The following TRIM67 variants were observed in gnomAD, a reference collection of about 807,000 sequenced individuals.
The protein encoded by TRIM67 is tripartite motif containing 67, also known as tripartite motif-containing protein 67.
A neutral mutation model predicts 71.0 loss-of-function variants in TRIM67; 39 were observed. That is an observed-to-expected ratio of 0.55 (90% confidence interval 0.43 to 0.72). The LOEUF (loss-of-function observed/expected upper bound fraction) is 0.72. TRIM67 is among the 30% of genes least tolerant of loss of function. The pLI, the probability that TRIM67 is intolerant of heterozygous loss-of-function variation, is 0.00. For synonymous variants in TRIM67, 481 were observed against 473.9 expected, an observed-to-expected ratio of 1.01 and a Z score of -0.19; for missense variants, 973 against 1,079.2, an observed-to-expected ratio of 0.90 and a Z score of 1.38.
chr1:231,215,691 G>A lies in TRIM67; in HGVS notation c.*251G>A, dbSNP rs780010423. On this transcript the variant is annotated 3_prime_UTR_variant, in exon 10 of 10. Coordinates refer to ENST00000366653, the MANE Select transcript of TRIM67 (RefSeq NM_001004342.5). Reference sequence around the variant, plus strand: ...CACCCTTATTCCACCCAGACATTACGAACACTCCCCAAGAAGGACCTTTCT... The same window carrying A: ...CACCCTTATTCCACCCAGACATTACAAACACTCCCCAAGAAGGACCTTTCT... The A allele has an allele frequency of 3.1e-5, 39 of 1,249,472 alleles. No individual in the cohort carries two copies. The highest frequency in any genetic ancestry group is 1.1e-4 in the African/African-American group (7 of 65,044). The allele number at this position is 1,249,472 out of a possible 1,614,324, so 77.4% of individuals were successfully genotyped here.
At chr1:231,182,040 T>C (rs982375999) in intron 1 of TRIM67, among the ~76,000 whole-genome samples, 17 of 152,222 alleles carry the variant, frequency 1.1e-4, no homozygotes, top group Non-Finnish European at 7.3e-5. Flanking sequence ...CTTGCTCTAG[T>C]AGGTTACCCC....
chr1:231,167,726 G>A (rs1682512907), intron 1 of TRIM67, among the ~76,000 whole-genome samples: 1 of 151,938 alleles, frequency 6.6e-6, no homozygotes, highest in Non-Finnish European at 1.5e-5. Flanking sequence ...AAGTGCTAGA[G>A]TTACAGGTGT....
chr1:231,201,986 A>G (rs937325394), intron 5 of TRIM67, among the ~76,000 whole-genome samples: 1 of 2,270 alleles, frequency 4.4e-4, no homozygotes, highest in African/African-American at 1.5e-3. Flanking sequence ...AGTAGATGCC[A>G]TGCGGTGAGA....
chr1:231,180,031 T>C (rs970214700), intron 1 of TRIM67, among the ~76,000 whole-genome samples: 1 of 152,194 alleles, frequency 6.6e-6, no homozygotes, highest in East Asian at 1.9e-4. Context: ...GTATTGAAAA[T>C]GTGACCCATC....
At position 231,218,809 on chromosome 1, in the gene TRIM67, C is replaced by A; in HGVS notation, c.*3369C>A. The A allele has an allele frequency of 2.0e-6, 2 of 985,420 alleles. No homozygotes were observed. Among genetic ancestry groups the A allele is most frequent in the Middle Eastern group, 5.2e-4 (1 of 1,914 alleles). The allele number at this position is 985,420 out of a possible 1,614,324, so 61.0% of individuals were successfully genotyped here. On this transcript the variant is annotated 3_prime_UTR_variant, in exon 10 of 10. Coordinates refer to ENST00000366653, the MANE Select transcript of TRIM67 (RefSeq NM_001004342.5). ...GCTTTCCGGATTGAGCCTGGGCAGG[C>A]TCTGTGGAGCTCACCAAGAGAGCTG...
At chr1:231,179,677 G>A (rs980183833) in intron 1 of TRIM67, among the ~76,000 whole-genome samples, 11 of 152,268 alleles carry the variant, frequency 7.2e-5, no homozygotes, top group African/African-American at 1.9e-4. Flanking sequence ...GTGCAACAAC[G>A]AAACAAGAAG....
At chr1:231,191,816 A>T (rs1683238003) in intron 1 of TRIM67, among the ~76,000 whole-genome samples, 1 of 152,208 alleles carries the variant, frequency 6.6e-6, no homozygotes, top group African/African-American at 2.4e-5. Flanking sequence ...TTGAGACTTG[A>T]ATATCTCAGG....
At chr1:231,212,580 G>C (rs1348077509) in intron 8 of TRIM67, among the ~76,000 whole-genome samples, 1 of 152,200 alleles carries the variant, frequency 6.6e-6, no homozygotes, top group Non-Finnish European at 1.5e-5. Flanking sequence ...TAACAAGTTA[G>C]AGTAAAAAGG....
chr1:231,192,300 A>G (rs11122248), intron 1 of TRIM67, among the ~76,000 whole-genome samples: 8,127 of 152,194 alleles, frequency 0.053, 394 homozygotes, highest in African/African-American at 0.13. Flanking sequence ...CTAGAGGCAC[A>G]TGCCACCACA....
In TRIM67 at chr1:231,162,898, C is replaced by T. The variant is rs546669843; in HGVS notation, c.-72C>T. ...TCTCACCGGGGCGCACCGCGCTGGT[C>T]CTCCTCCGCCAGTCTCCCGAGCTCC... is the stretch of plus-strand genomic sequence containing the variant. On this transcript the variant is annotated 5_prime_UTR_variant, in exon 1 of 10. Transcript: ENST00000366653. 135 of 1,547,814 alleles carry T rather than the reference C, an allele frequency of 8.7e-5. No individual in the cohort carries two copies. The African/African-American group carries it at 1.5e-3, about 18-fold the overall frequency.
chr1:231,179,310 G>A (rs996763828), intron 1 of TRIM67, among the ~76,000 whole-genome samples: 4 of 152,158 alleles, frequency 2.6e-5, no homozygotes, highest in African/African-American at 9.7e-5. Flanking sequence ...TCTCTTCTTT[G>A]TAAGGACACC....
intron 9 of TRIM67, 94 bp from the exon 10 acceptor site, chr1:231,215,281 C>A: frequency 6.7e-7 from 1 of 1,503,354 alleles, no homozygotes; most frequent in Non-Finnish European, 8.9e-7. Flanking sequence ...CTGGAGCCAG[C>A]AGGGGATCCT....
chr1:231,216,228 T>C lies in TRIM67; in HGVS notation c.*788T>C. Reference sequence around the variant, plus strand: ...TCTTCCTTTCCTCCTTCTCTCTTACTTTCCTCCATCCCTGCCTCTTTCTTC... The same window carrying C: ...TCTTCCTTTCCTCCTTCTCTCTTACCTTCCTCCATCCCTGCCTCTTTCTTC... On this transcript the variant is annotated 3_prime_UTR_variant, in exon 10 of 10. Coordinates refer to ENST00000366653, the MANE Select transcript of TRIM67 (RefSeq NM_001004342.5). The C allele has an allele frequency of 1.0e-6, 1 of 964,496 alleles. No homozygotes were observed. The highest frequency in any genetic ancestry group is 1.2e-6 in the Non-Finnish European group (1 of 811,298). The allele number at this position is 964,496 out of a possible 1,614,324, so 59.7% of individuals were successfully genotyped here. A position where few individuals can be genotyped will look rare whatever the true frequency, so the allele number is the denominator to read the frequency against.
chr1:231,166,852 T>C (rs1385600110), intron 1 of TRIM67, among the ~76,000 whole-genome samples: 12 of 152,238 alleles, frequency 7.9e-5, no homozygotes, highest in Admixed American at 7.8e-4. Flanking sequence ...GAGGATTAAC[T>C]GTTTCAAAGA....
intron 3 of TRIM67, 101 bp downstream of exon 3, chr1:231,199,270 G>T: frequency 1.7e-6 from 2 of 1,154,692 alleles, no homozygotes; most frequent in Non-Finnish European, 2.6e-6. Flanking sequence ...ACAGCTAAGT[G>T]AGTGAATGAA....
At position 231,218,648 on chromosome 1, in the gene TRIM67, C is replaced by A; in HGVS notation, c.*3208C>A. ...CCAATTAAAGAGGACACCAGTAATACTGACCCACAAGGTAACTGACCTAAA... is the reference window on the plus strand; with the variant it reads ...CCAATTAAAGAGGACACCAGTAATAATGACCCACAAGGTAACTGACCTAAA... On this transcript the variant is annotated 3_prime_UTR_variant, in exon 10 of 10. Coordinates refer to ENST00000366653, the MANE Select transcript of TRIM67 (RefSeq NM_001004342.5). 1 of 985,458 alleles carries A rather than the reference C, an allele frequency of 1.0e-6. No individual in the cohort carries two copies. Among genetic ancestry groups the A allele is most frequent in the Non-Finnish European group, 1.2e-6 (1 of 829,944 alleles). 61.0% of individuals were successfully genotyped at this position (985,458 alleles called of 1,614,324 possible).
chr1:231,214,619 A>C (rs1683961600), intron 9 of TRIM67, among the ~76,000 whole-genome samples: 1 of 151,502 alleles, frequency 6.6e-6, no homozygotes, highest in Admixed American at 6.6e-5. Context: ...TACTAAAAAT[A>C]CAAAAAAAAA....
chr1:231,188,678 C>T (rs151287132), intron 1 of TRIM67, among the ~76,000 whole-genome samples: 3 of 152,334 alleles, frequency 2.0e-5, no homozygotes, highest in African/African-American at 7.2e-5. Flanking sequence ...AAATTACTTC[C>T]CCTCTCGAGC....
chr1:231,178,217 G>A lies in TRIM67; in HGVS notation c.1044+14204G>A, dbSNP rs551644972. Among the ~76,000 whole-genome samples the A allele has an allele frequency of 2.0e-5, 3 of 152,300 alleles. No individual in the cohort carries two copies. In the East Asian group the frequency reaches 5.8e-4, roughly 29 times the overall value. Reference sequence around the variant, plus strand: ...TTGGCATGACTTTTCCCAGATGTTAGCACTGCTTCAACTTTTGAGAGAACA... The same window carrying A: ...TTGGCATGACTTTTCCCAGATGTTAACACTGCTTCAACTTTTGAGAGAACA... On this transcript the variant is annotated intron_variant, in intron 1 of 9. Coordinates refer to ENST00000366653, the MANE Select transcript of TRIM67 (RefSeq NM_001004342.5).
Sources: allele counts gnomAD v4.1 joint callset (sites outside exome capture counted in the v4.1 genomes callset), GRCh38; gene constraint gnomAD v4.1.1; transcripts MANE v1.5; gene names NCBI Gene and HGNC (gene_info 2026-07-23, HGNC 2026-07-21).